Variants in BUB1 observed in about 807,000 individuals in gnomAD.
BUB1 encodes mitotic checkpoint serine/threonine-protein kinase BUB1.
In BUB1, 84 loss-of-function variants were observed where a neutral mutation model predicts 135.2. That is an observed-to-expected ratio of 0.62 (90% confidence interval 0.52 to 0.74). The LOEUF is 0.74. BUB1 is among the 30% of genes least tolerant of loss of function. The probability of loss-of-function intolerance (pLI) is 0.00; values close to 1 mark genes in which losing one functional copy is unlikely to be tolerated. For missense variants in BUB1, 1,162 were observed against 1,288.3 expected, an observed-to-expected ratio of 0.90 and a Z score of 1.50; for synonymous variants, 403 against 434.4, an observed-to-expected ratio of 0.93 and a Z score of 0.90.
Position 110,648,612 on chromosome 2 carries a change from TGTTA to T in BUB1, c.2347+618_2347+621del, listed in dbSNP as rs1395417943. On this transcript the variant is annotated intron_variant, in intron 19 of 24. Coordinates refer to ENST00000302759, the MANE Select transcript of BUB1 (RefSeq NM_004336.5). This position sits in a 1 kb window ranked among gnomAD's most constrained non-coding sequence, Gnocchi z 4.2. ...ACAAATGTACCACACTCATGCAAGA[TGTTA>T]GTAACACGAAAATCTGTGTGTGTAT... Among the ~76,000 whole-genome samples, 1 of 152,212 alleles carries T rather than the reference TGTTA, an allele frequency of 6.6e-6. No individual in the cohort carries two copies. The highest frequency in any genetic ancestry group is 1.5e-5 in the Non-Finnish European group (1 of 68,042).
intron 16 of BUB1, 31 bp downstream of exon 16, chr2:110,655,708 A>C (rs775702663): frequency 5.4e-6 from 8 of 1,484,700 alleles, no homozygotes; most frequent in Admixed American, 1.9e-5. Context: ...AAGTTGGCAG[A>C]AGACAGACAC....
At position 110,672,703 on chromosome 2, in the gene BUB1, T is replaced by G. The variant is rs1156234314; in HGVS notation, c.380A>C (p.Gln127Pro). The G allele has an allele frequency of 6.2e-7, 1 of 1,609,438 alleles. No individual in the cohort carries two copies. ...HASAVLQRGI[Q>P]NQAEPREFLQ... ...GAACTCTCTGGGTTCAGCCTGGTTT[T>G]GAATTCCTCTCTGAAGGACAGCACT... Residue 127 changes from glutamine (Q) to proline (P), a missense_variant, in exon 4 of 25, where the codon CAA (glutamine) becomes CCA (proline). Gln to Pro is a moderately conservative substitution (Grantham distance 76, BLOSUM62 -1). Transcript: ENST00000302759.
At chr2:110,659,615 G>A (rs1277556490) in intron 11 of BUB1, among the ~76,000 whole-genome samples, 1 of 152,144 alleles carries the variant, frequency 6.6e-6, no homozygotes, top group African/African-American at 2.4e-5. Context: ...TATCTCCTAT[G>A]CAAATGCCTC....
In BUB1 at chr2:110,658,451, G is replaced by A. The variant is rs121909055; in HGVS notation, c.1475C>T (p.Ser492Phe). Residue 492 changes from serine (S) to phenylalanine (F), a missense_variant, in exon 13 of 25, where the codon TCT (serine) becomes TTT (phenylalanine). By Grantham distance (155) the Ser-to-Phe change is radical. Transcript: ENST00000302759. ...AAATGCATCTTCATTTTGATCTAGA[G>A]ATTGCCATTCATCTTTGTCATCAGA... Reference protein sequence around the residue: ...DISDDKDEWQSLDQNEDAFEA... With the variant: ...DISDDKDEWQFLDQNEDAFEA... 1.9e-6 allele frequency: 3 copies of A among 1,613,970 alleles called. No homozygotes were observed. Among genetic ancestry groups the A allele is most frequent in the South Asian group, 2.2e-5 (2 of 91,046 alleles).
intron 23 of BUB1, among the ~76,000 whole-genome samples, chr2:110,640,609 A>G (rs1192245846): frequency 6.6e-6 from 1 of 152,174 alleles, no homozygotes; most frequent in Non-Finnish European, 1.5e-5. Flanking sequence ...CCTGCCTGAG[A>G]GCATCCCAGG....
chr2:110,654,738 T>C (rs999416293), intron 16 of BUB1, among the ~76,000 whole-genome samples: 1 of 152,080 alleles, frequency 6.6e-6, no homozygotes, highest in Non-Finnish European at 1.5e-5. Flanking sequence ...AAATTTATTA[T>C]ATTGGATTAG....
intron 3 of BUB1, 36 bp from the exon 4 acceptor site, chr2:110,672,893 T>C (rs746629484): frequency 1.3e-5 from 19 of 1,519,882 alleles, no homozygotes; most frequent in Non-Finnish European, 1.5e-5. Context: ...ATAAGAATAA[T>C]GGAACTGCTA....
intron 11 of BUB1, among the ~76,000 whole-genome samples, chr2:110,659,216 G>A (rs1404117157): frequency 5.3e-5 from 8 of 152,140 alleles, no homozygotes; most frequent in Non-Finnish European, 1.2e-4. Flanking sequence ...GCTGTGCTTA[G>A]AATATATCAG....
At chr2:110,643,023 A>G (rs1166482756) in intron 19 of BUB1, among the ~76,000 whole-genome samples, 18 of 152,192 alleles carry the variant, frequency 1.2e-4, no homozygotes, top group Non-Finnish European at 4.4e-5. Context: ...TAAATTAAAA[A>G]CAAGAATTCA....
rs1366658127 is a variant in BUB1, at chr2:110,639,788, C to T, written c.3016G>A (p.Val1006Met). 6.2e-7 allele frequency: 1 copy of T among 1,614,040 alleles called. No individual in the cohort carries two copies. The highest frequency in any genetic ancestry group is 1.1e-5 in the South Asian group (1 of 91,080). ...YCMLFGTYMK[V>M]KNEGGECKPE... ...TTACACTCTCCTCCTTCATTTTTCA[C>T]TTTCATGTAAGTGCCAAAGAGCATG... Residue 1006 changes from valine (V) to methionine (M), a missense_variant, in exon 24 of 25, where the codon GTG (valine) becomes ATG (methionine). Transcript: ENST00000302759.
chr2:110,655,679 A>G lies in BUB1; in HGVS notation c.1876+60T>C, dbSNP rs896070456. 4 of 1,394,686 alleles carry G rather than the reference A, an allele frequency of 2.9e-6. No individual in the cohort carries two copies. In the African/African-American group the frequency reaches 5.7e-5, roughly 20 times the overall value. The allele number at this position is 1,394,686 out of a possible 1,614,324, so 86.4% of individuals were successfully genotyped here. On this transcript the variant is annotated intron_variant, in intron 16 of 24. Transcript: ENST00000302759. Reference sequence around the variant, plus strand: ...AAAACTACAAGAATCAAACTTCATGAAGAAAACTGAAAGAATCAAAGTTGG... The same window carrying G: ...AAAACTACAAGAATCAAACTTCATGGAGAAAACTGAAAGAATCAAAGTTGG...
At chr2:110,663,230 A>G (rs1314601725) in intron 9 of BUB1, among the ~76,000 whole-genome samples, 1 of 152,162 alleles carries the variant, frequency 6.6e-6, no homozygotes, top group African/African-American at 2.4e-5. Context: ...CAGTGAGCGG[A>G]GATTGCACCA....
chr2:110,665,752 T>C (rs937110385), intron 9 of BUB1, among the ~76,000 whole-genome samples: 2 of 152,174 alleles, frequency 1.3e-5, no homozygotes, highest in African/African-American at 4.8e-5. Context: ...TTTATCTTCA[T>C]CGTATCCTAT....
chr2:110,669,558 G>A lies in BUB1; in HGVS notation c.467-5C>T, dbSNP rs185004304. 224 of 1,552,502 alleles carry A rather than the reference G, an allele frequency of 1.4e-4. 1 individual carries two copies. The highest frequency in any genetic ancestry group is 2.7e-5 in the African/African-American group (2 of 73,604). On this transcript the variant is annotated splice_region_variant and splice_polypyrimidine_tract_variant and intron_variant, in intron 5 of 24. Transcript: ENST00000302759. Reference sequence around the variant, plus strand: ...GCAGAGGTTCTGAGGTTCTAGCTATGAGGGAAAAGAGGATAAAATACGGAG... The same window carrying A: ...GCAGAGGTTCTGAGGTTCTAGCTATAAGGGAAAAGAGGATAAAATACGGAG...
At chr2:110,650,928 GACAA>G (rs1689769112) in intron 17 of BUB1, 144 bp from the exon 18 acceptor site, 3 of 709,660 alleles carry the variant, frequency 4.2e-6, no homozygotes, top group Middle Eastern at 2.5e-4. Context: ...AGCATTTTTA[GACAA>G]ACAAATCTAT....
Position 110,657,054 on chromosome 2 carries a change from T to C in BUB1, c.1680A>G (p.Arg560=). The C allele has an allele frequency of 6.2e-7, 1 of 1,613,036 alleles. No homozygotes were observed. The highest frequency in any genetic ancestry group is 8.5e-7 in the Non-Finnish European group (1 of 1,179,354). ...ARTFGERSVS[R]LPSKPKEEVP... ...TGTTTACCTTTGGTTTTGAAGGAAG[T>C]CTGCTGACAGAGCGTTCTCCAAAGG... Residue 560 remains arginine, a synonymous_variant, in exon 15 of 25, where the codon AGA becomes AGG. Coordinates refer to ENST00000302759, the MANE Select transcript of BUB1 (RefSeq NM_004336.5).
intron 4 of BUB1, 29 bp downstream of exon 4, chr2:110,672,632 C>A: frequency 1.3e-6 from 2 of 1,527,262 alleles, no homozygotes; most frequent in South Asian, 1.3e-5. Flanking sequence ...AAGTCAGAAT[C>A]ATCACAGAGA....
chr2:110,647,547 A>C (rs1446453816), intron 19 of BUB1, among the ~76,000 whole-genome samples: 1 of 151,932 alleles, frequency 6.6e-6, no homozygotes, highest in Non-Finnish European at 1.5e-5. Flanking sequence ...TCCAACACCC[A>C]CTTATGATTA....
In BUB1 at chr2:110,653,561, T is replaced by G. The variant is rs1689839308; in HGVS notation, c.1877-38A>C. 4 of 1,497,558 alleles carry G rather than the reference T, an allele frequency of 2.7e-6. No individual in the cohort carries two copies. In the South Asian group the frequency reaches 3.4e-5, roughly 13 times the overall value. 92.8% of individuals were successfully genotyped at this position (1,497,558 alleles called of 1,614,324 possible). A position where few individuals can be genotyped will look rare whatever the true frequency, so the allele number is the denominator to read the frequency against. ...AAAATTAGAGACAAGATATGTTAGA[T>G]GCACATGTGTGCACAACACACACCA... On this transcript the variant is annotated intron_variant, in intron 16 of 24. Coordinates refer to ENST00000302759, the MANE Select transcript of BUB1 (RefSeq NM_004336.5).
Sources: allele counts gnomAD v4.1 joint callset (sites outside exome capture counted in the v4.1 genomes callset), GRCh38; gene constraint gnomAD v4.1.1; non-coding constraint Gnocchi (gnomAD v3.1); transcripts MANE v1.5; gene names NCBI Gene and HGNC (gene_info 2026-07-23, HGNC 2026-07-21).